CDH1: variants seen among roughly 807,000 people sequenced by gnomAD.
CDH1 encodes the protein cadherin-1.
A neutral mutation model predicts 84.5 loss-of-function variants in CDH1; 35 were observed. The observed-to-expected ratio is 0.41, with a 90% CI of 0.32 to 0.55. The LOEUF (loss-of-function observed/expected upper bound fraction) is 0.55. CDH1 is among the 20% of genes least tolerant of loss of function. CDH1 has a pLI of 0.19. For missense variants in CDH1, 994 were observed against 1,126.6 expected (o/e 0.88, Z 1.68); for synonymous variants, 417 against 439.0 (o/e 0.95, Z 0.63).
intron 2 of CDH1, among the ~76,000 whole-genome samples, chr16:68,750,650 G>A (rs1962863125): frequency 6.6e-6 from 1 of 151,336 alleles, no homozygotes; most frequent in Admixed American, 6.6e-5. Context: ...AGAAGAAGAA[G>A]AGCACCTGAT....
intron 12 of CDH1, 55 bp downstream of exon 12, chr16:68,822,280 C>A: frequency 2.7e-6 from 3 of 1,126,378 alleles, no homozygotes; most frequent in Non-Finnish European, 2.7e-6. Context: ...TGCTTCCCTT[C>A]CCCCAGATCC....
chr16:68,743,809 T>C lies in CDH1; in HGVS notation c.163+5398T>C, dbSNP rs536111389. On this transcript the variant is annotated intron_variant, in intron 2 of 15. Transcript: ENST00000261769. ...GAAACTAGGTTTGAATTTTAGCCACTAGCTATTTGACTTTGAATAAGTCAC... is the reference window on the plus strand; with the variant it reads ...GAAACTAGGTTTGAATTTTAGCCACCAGCTATTTGACTTTGAATAAGTCAC... Among the ~76,000 whole-genome samples the C allele has an allele frequency of 5.3e-5, 8 of 152,366 alleles. 1 individual carries two copies. The South Asian group carries it at 1.7e-3, about 32-fold the overall frequency.
chr16:68,779,120 G>A (rs1597868959), intron 2 of CDH1, among the ~76,000 whole-genome samples: 1 of 152,160 alleles, frequency 6.6e-6, no homozygotes, highest in East Asian at 1.9e-4. Context: ...ATCCCTGAAG[G>A]CCTGCTCTAA....
chr16:68,813,249 CCT>C, intron 8 of CDH1, 62 bp from the exon 9 acceptor site: 8 of 1,513,010 alleles, frequency 5.3e-6, no homozygotes, highest in Non-Finnish European at 7.4e-6. Context: ...CCTTTAGCCC[CCT>C]GAGACTCAGC....
At chr16:68,810,483 T>TACAC in intron 6 of CDH1, 142 bp downstream of exon 6, 1 of 735,280 alleles carries the variant, frequency 1.4e-6, no homozygotes, top group Non-Finnish European at 2.4e-6. Flanking sequence ...ATTGTTGTGT[T>TACAC]ATATGCATGT....
At chr16:68,749,467 G>T (rs990673856) in intron 2 of CDH1, among the ~76,000 whole-genome samples, 1 of 152,194 alleles carries the variant, frequency 6.6e-6, no homozygotes, top group Non-Finnish European at 1.5e-5. Context: ...AGTTTTCAGA[G>T]ACCTCACACG....
At chr16:68,791,750 A>G (rs751498527) in intron 2 of CDH1, among the ~76,000 whole-genome samples, 4 of 151,938 alleles carry the variant, frequency 2.6e-5, no homozygotes, top group Admixed American at 6.6e-5. Flanking sequence ...TATCTCTTTG[A>G]CATTGAAATG....
chr16:68,792,601 G>A (rs34145782), intron 2 of CDH1, among the ~76,000 whole-genome samples: 27 of 152,286 alleles, frequency 1.8e-4, no homozygotes, highest in Non-Finnish European at 2.1e-4. Context: ...CACCCATGGC[G>A]TTTGCCGTCA....
chr16:68,829,209 T>C (rs777485069), intron 14 of CDH1, among the ~76,000 whole-genome samples: 1 of 152,182 alleles, frequency 6.6e-6, no homozygotes, highest in African/African-American at 2.4e-5. Context: ...TCCAGGTCTG[T>C]TCCATGCAAG....
At chr16:68,818,439 T>A (rs1961041712) in intron 10 of CDH1, among the ~76,000 whole-genome samples, 1 of 151,656 alleles carries the variant, frequency 6.6e-6, no homozygotes, top group African/African-American at 2.4e-5. Flanking sequence ...TGTGGCAAAG[T>A]ATTAACAATG....
At chr16:68,790,245 T>A (rs34097984) in intron 2 of CDH1, among the ~76,000 whole-genome samples, 2 of 151,992 alleles carry the variant, frequency 1.3e-5, no homozygotes, top group Admixed American at 6.6e-5. Flanking sequence ...TGCCCTTTCC[T>A]GCACGGGGCA....
At position 68,761,206 on chromosome 16, in the gene CDH1, G is replaced by A. The variant is rs190084912; in HGVS notation, c.163+22795G>A. On this transcript the variant is annotated intron_variant, in intron 2 of 15. Transcript: ENST00000261769. ...TTTTGGCCTGAAGGCTAGCAAGCTG[G>A]GAGAACTTGGAGAACCCGGACAGCA... 3.9e-5 allele frequency among the ~76,000 whole-genome samples: 6 copies of A among 152,298 alleles called. No individual in the cohort carries two copies. In the East Asian group the frequency reaches 9.7e-4, roughly 25 times the overall value.
intron 2 of CDH1, among the ~76,000 whole-genome samples, chr16:68,742,080 T>C (rs1219658332): frequency 6.6e-6 from 1 of 152,204 alleles, no homozygotes; most frequent in African/African-American, 2.4e-5. Flanking sequence ...ATTAGCCTAG[T>C]AACCACAGCT....
rs1460558201 is a variant in CDH1 at position 68,834,996 on chromosome 16, T to C, written c.*1497T>C. The stretch of plus-strand genomic sequence containing the variant: ...CTCAACATGTGTTTCTGACACAAGA[T>C]CCGTGGTTTGTACTCAAAGCCCAGA... On this transcript the variant is annotated 3_prime_UTR_variant, in exon 16 of 16. Coordinates refer to ENST00000261769, the MANE Select transcript of CDH1 (RefSeq NM_004360.5). The C allele has an allele frequency of 1.7e-5, 4 of 232,176 alleles. No individual in the cohort carries two copies. Among genetic ancestry groups the C allele is most frequent in the Non-Finnish European group, 3.4e-5 (4 of 117,300 alleles). The allele number at this position is 232,176 out of a possible 1,614,324, so 14.4% of individuals were successfully genotyped here.
chr16:68,804,909 C>T (rs556064704), intron 3 of CDH1, among the ~76,000 whole-genome samples: 1 of 137,918 alleles, frequency 7.3e-6, no homozygotes, highest in South Asian at 2.3e-4. Flanking sequence ...CAGCTCACTG[C>T]AGCCTTGACC....
rs1555517144 is a variant in CDH1 at position 68,823,571 on chromosome 16, A to C, written c.2109A>C (p.Ala703=). 6.2e-7 allele frequency: 1 copy of C among 1,613,964 alleles called. No homozygotes were observed. The highest frequency in any genetic ancestry group is 8.5e-7 in the Non-Finnish European group (1 of 1,180,040). Residue 703 remains alanine (A), a synonymous_variant, in exon 13 of 16, where the codon GCA becomes GCC. Transcript: ENST00000261769. ...GTAGGAAGGCACAGCCTGTCGAAGC[A>C]GGATTGCAAATTCCTGCCATTCTGG... ...GVCRKAQPVE[A]GLQIPAILGI...
At chr16:68,784,129 C>T (rs1011599576) in intron 2 of CDH1, among the ~76,000 whole-genome samples, 1 of 152,002 alleles carries the variant, frequency 6.6e-6, no homozygotes, top group Non-Finnish European at 1.5e-5. Context: ...TGTGTGAGTC[C>T]CTCTGTGAGA....
At chr16:68,828,746 T>C (rs778720456) in intron 14 of CDH1, among the ~76,000 whole-genome samples, 1 of 152,234 alleles carries the variant, frequency 6.6e-6, no homozygotes, top group Admixed American at 6.5e-5. Flanking sequence ...ATACCTTCAG[T>C]CCCTCTGTAT....
rs751323028 is a variant in CDH1 at position 68,808,583 on chromosome 16, CTCTGTT to C, written c.531+20_531+25del. ...CCTGGTTCAGGTAGAGAAAGAAGTT[CTCTGTT>C]TCTCTGGGAGGGATTTGGCAGAGAA... On this transcript the variant is annotated intron_variant, in intron 4 of 15. Coordinates refer to ENST00000261769, the MANE Select transcript of CDH1 (RefSeq NM_004360.5). The C allele has an allele frequency of 6.2e-7, 1 of 1,614,068 alleles. No homozygotes were observed. Among genetic ancestry groups the C allele is most frequent in the Non-Finnish European group, 8.5e-7 (1 of 1,179,954 alleles).
Sources: allele counts gnomAD v4.1 joint callset (sites outside exome capture counted in the v4.1 genomes callset), GRCh38; gene constraint gnomAD v4.1.1; transcripts MANE v1.5; gene names NCBI Gene and HGNC (gene_info 2026-07-23, HGNC 2026-07-21).